KBTBD11: variants seen among roughly 807,000 people sequenced by gnomAD.
The protein encoded by KBTBD11 is kelch repeat and BTB domain-containing protein 11.
For synonymous variants in KBTBD11, 747 were observed against 499.0 expected (o/e 1.50, Z -6.63); for missense variants, 1,390 against 1,001.8 (o/e 1.39, Z -5.23).
At position 2,003,369 on chromosome 8, in the gene KBTBD11, G is replaced by C; in HGVS notation, c.*305G>C. The C allele has an allele frequency of 3.4e-6, 1 of 292,450 alleles. No individual in the cohort carries two copies. The highest frequency in any genetic ancestry group is 6.5e-6 in the Non-Finnish European group (1 of 154,088). The allele number at this position is 292,450 out of a possible 1,614,324, so 18.1% of individuals were successfully genotyped here. A position where few individuals can be genotyped will look rare whatever the true frequency, so the allele number is the denominator to read the frequency against. ...GCCTCAGGGTACAGTGGGGGTTCCT[G>C]AGGCAGCCTGCAGCCGGCCCCGGGG... is the stretch of plus-strand genomic sequence containing the variant. On this transcript the variant is annotated 3_prime_UTR_variant, in exon 2 of 2. Transcript: ENST00000320248.
chr8:1,988,616 G>C (rs1224277062), intron 1 of KBTBD11, among the ~76,000 whole-genome samples: 2 of 152,134 alleles, frequency 1.3e-5, no homozygotes, highest in Non-Finnish European at 2.9e-5. Context: ...GTAGATTCTG[G>C]ATATTAGCCC....
At chr8:1,996,410 C>T (rs998413802) in intron 1 of KBTBD11, among the ~76,000 whole-genome samples, 1 of 152,058 alleles carries the variant, frequency 6.6e-6, no homozygotes, top group African/African-American at 2.4e-5. Flanking sequence ...GAGATTACAG[C>T]CCTGTGCCAC....
intron 1 of KBTBD11, among the ~76,000 whole-genome samples, chr8:1,990,485 G>A (rs1221034989): frequency 7.3e-5 from 8 of 109,712 alleles, no homozygotes; most frequent in Non-Finnish European, 3.9e-5. Context: ...GCTGGGACTT[G>A]GCGCCCTGTC....
In KBTBD11 at chr8:2,002,707, C is replaced by T. The variant is rs764986542; in HGVS notation, c.1515C>T (p.Phe505=). 7.7e-5 allele frequency: 118 copies of T among 1,536,416 alleles called. 1 individual carries two copies. The Admixed American group carries it at 2.2e-3, about 28-fold the overall frequency. ...MVALDGFIYR[F]DLSGSRGEAQ... is the part of the protein sequence containing the mutation. ...CTCTCGACGGCTTCATCTACCGCTT[C>T]GATCTGAGCGGCAGCCGCGGCGAGG... The change falls in exon 2 of 2, where the codon TTC becomes TTT. Residue 505 remains phenylalanine, a synonymous_variant. Coordinates refer to ENST00000320248, the MANE Select transcript of KBTBD11 (RefSeq NM_014867.3). This position sits in a 1 kb window ranked among gnomAD's most constrained non-coding sequence, Gnocchi z 4.1.
At chr8:1,977,076 T>C (rs1339276309) in intron 1 of KBTBD11, among the ~76,000 whole-genome samples, 1 of 147,176 alleles carries the variant, frequency 6.8e-6, no homozygotes, top group Non-Finnish European at 1.5e-5. Flanking sequence ...TCTTAAAACA[T>C]TATGAGTTTT....
At chr8:1,996,456 TG>T (rs1238917858) in intron 1 of KBTBD11, among the ~76,000 whole-genome samples, 1 of 152,012 alleles carries the variant, frequency 6.6e-6, no homozygotes, top group African/African-American at 2.4e-5. Context: ...TTAGTAGAGA[TG>T]GGGTTTCACC....
intron 1 of KBTBD11, among the ~76,000 whole-genome samples, chr8:1,998,516 C>A (rs193052077): frequency 6.6e-6 from 1 of 152,278 alleles, no homozygotes; most frequent in Admixed American, 6.5e-5. Context: ...TGATTAATTA[C>A]ATAAAGATGA....
chr8:1,997,612 G>A (rs34478316), intron 1 of KBTBD11, among the ~76,000 whole-genome samples: 21,551 of 152,234 alleles, frequency 0.14, 1,761 homozygotes, highest in East Asian at 0.17. Context: ...GAGGGCTCCC[G>A]AGCCCCTGAT....
At chr8:1,990,602 G>A (rs35631128) in intron 1 of KBTBD11, among the ~76,000 whole-genome samples, 64 of 6,522 alleles carry the variant, frequency 9.8e-3, no homozygotes, top group Admixed American at 0.024. Context: ...GTCCGGGTAG[G>A]TGCTGCGGGG....
chr8:1,974,126 AGC>A, intron 1 of KBTBD11, among the ~76,000 whole-genome samples, 191 bp downstream of exon 1: 2 of 57,928 alleles, frequency 3.5e-5, no homozygotes, highest in Admixed American at 3.7e-4. Context: ...AGGGGAGCGG[AGC>A]GGAGGGGAGG....
At chr8:1,994,667 G>C (rs911746173) in intron 1 of KBTBD11, among the ~76,000 whole-genome samples, 5 of 152,206 alleles carry the variant, frequency 3.3e-5, no homozygotes, top group African/African-American at 7.2e-5. Flanking sequence ...ACAGTGCCTG[G>C]CAAAATAGAC....
At chr8:1,974,295 C>T in intron 1 of KBTBD11, 1 of 984,046 alleles carries the variant, frequency 1.0e-6, no homozygotes, top group South Asian at 4.7e-5. Context: ...CAACCCCGGC[C>T]GGAAGACAAT....
intron 1 of KBTBD11, among the ~76,000 whole-genome samples, chr8:1,984,493 T>C (rs927862056): frequency 6.6e-6 from 1 of 151,972 alleles, no homozygotes; most frequent in African/African-American, 2.4e-5. Context: ...TTTACCGTGT[T>C]AGGCAGGATG....
intron 1 of KBTBD11, among the ~76,000 whole-genome samples, chr8:1,984,087 G>A (rs536217871): frequency 6.6e-5 from 10 of 152,120 alleles, no homozygotes; most frequent in South Asian, 4.2e-4. Flanking sequence ...CCAAGATCGC[G>A]CCATTGCCTG....
chr8:2,002,800 G>T lies in KBTBD11; in HGVS notation c.1608G>T (p.Pro536=). 1 of 1,451,280 alleles carries T rather than the reference G, an allele frequency of 6.9e-7. No individual in the cohort carries two copies. Among genetic ancestry groups the T allele is most frequent in the East Asian group, 2.9e-5 (1 of 34,278 alleles). 89.9% of individuals were successfully genotyped at this position (1,451,280 alleles called of 1,614,324 possible). A position where few individuals can be genotyped will look rare whatever the true frequency, so the allele number is the denominator to read the frequency against. The part of the protein sequence containing the change: ...RYHCLAKQWS[P]CVAPLRLPGG... ...ACTGCCTGGCCAAGCAGTGGAGCCC[G>T]TGCGTCGCGCCCCTGCGCCTCCCCG... The change falls in exon 2 of 2, where the codon CCG becomes CCT. Residue 536 remains proline (P), a synonymous_variant. Transcript: ENST00000320248. The surrounding 1 kb of genome is among the most constrained non-coding windows in gnomAD (Gnocchi z 4.1).
intron 1 of KBTBD11, chr8:1,975,105 A>C (rs1816287806): frequency 6.6e-6 from 1 of 152,260 alleles, no homozygotes; most frequent in African/African-American, 2.4e-5. Flanking sequence ...CATTCCTGAC[A>C]TCACGGAAGG....
Position 2,001,388 on chromosome 8 carries a change from C to T in KBTBD11, c.196C>T (p.Pro66Ser), listed in dbSNP as rs1817344832. 5 of 1,452,954 alleles carry T rather than the reference C, an allele frequency of 3.4e-6. No homozygotes were observed. The highest frequency in any genetic ancestry group is 4.5e-6 in the Non-Finnish European group (5 of 1,105,816). 90.0% of individuals were successfully genotyped at this position (1,452,954 alleles called of 1,614,324 possible). A position where few individuals can be genotyped will look rare whatever the true frequency, so the allele number is the denominator to read the frequency against. The change falls in exon 2 of 2, where the codon CCC (proline) becomes TCC (serine). Residue 66 changes from proline (P) to serine (S), a missense_variant. By Grantham distance (74) the Pro-to-Ser change is moderately conservative (BLOSUM62 -1). Coordinates refer to ENST00000320248, the MANE Select transcript of KBTBD11 (RefSeq NM_014867.3). ...SAAEGAATSP[P>S]SSGGPRVVER... ...GGCGGAAGGCGCGGCCACCTCCCCG[C>T]CCTCCAGCGGTGGCCCGCGGGTGGT...
rs1370338794 is a variant in KBTBD11 at position 2,001,289 on chromosome 8, A to G, written c.97A>G (p.Thr33Ala). The G allele has an allele frequency of 2.0e-6, 3 of 1,519,568 alleles. No individual in the cohort carries two copies. Among genetic ancestry groups the G allele is most frequent in the African/African-American group, 2.9e-5 (2 of 69,678 alleles). 94.1% of individuals were successfully genotyped at this position (1,519,568 alleles called of 1,614,324 possible). A position where few individuals can be genotyped will look rare whatever the true frequency, so the allele number is the denominator to read the frequency against. ...ESEGAASPAQ[T>A]PCSLGASLCF... ...CGAGGGCGCCGCGTCCCCGGCGCAG[A>G]CACCCTGCAGTCTCGGCGCGTCCCT... Residue 33 changes from threonine (T) to alanine (A), a missense_variant, in exon 2 of 2, where the codon ACA becomes GCA. Thr to Ala is a moderately conservative substitution (Grantham distance 58). Transcript: ENST00000320248.
rs1816406012 is a variant in KBTBD11 at position 1,977,960 on chromosome 8, A to T, written c.-909+4025A>T. On this transcript the variant is annotated intron_variant, in intron 1 of 1. Coordinates refer to ENST00000320248, the MANE Select transcript of KBTBD11 (RefSeq NM_014867.3). ...CCTTGTTCCAATATCATGGTGGTTCAATAAGCCATGCACAGCTTAGTGGCT... is the reference window on the plus strand; with the variant it reads ...CCTTGTTCCAATATCATGGTGGTTCTATAAGCCATGCACAGCTTAGTGGCT... 1.3e-5 allele frequency among the ~76,000 whole-genome samples: 2 copies of T among 152,250 alleles called. 1 individual carries two copies. Among genetic ancestry groups the T allele is most frequent in the South Asian group, 4.1e-4 (2 of 4,838 alleles).
Sources: allele counts gnomAD v4.1 joint callset (sites outside exome capture counted in the v4.1 genomes callset), GRCh38; gene constraint gnomAD v4.1.1; non-coding constraint Gnocchi (gnomAD v3.1); transcripts MANE v1.5; gene names NCBI Gene and HGNC (gene_info 2026-07-23, HGNC 2026-07-21).